Variants in RGS22 observed in about 807,000 individuals in gnomAD.
The protein encoded by RGS22 is regulator of G protein signaling 22.
A neutral mutation model predicts 172.9 loss-of-function variants in RGS22; 148 were observed. The ratio of observed to expected loss-of-function variants is 0.86; its 90% confidence interval spans 0.75 to 0.98. The LOEUF is 0.98. Ranked by LOEUF, RGS22 falls within the 50% of genes least tolerant of loss-of-function variation. The pLI, the probability that RGS22 is intolerant of heterozygous loss-of-function variation, is 0.00. For synonymous variants in RGS22, 458 were observed against 480.2 expected, an observed-to-expected ratio of 0.95 and a Z score of 0.60; for missense variants, 1,347 against 1,440.8, an observed-to-expected ratio of 0.93 and a Z score of 1.05.
rs1236968418 is a variant in RGS22, at chr8:100,093,523, A to C, written c.55-14T>G. ...CAGAGAATCTTCCTGCAAAAAAAAA[A>C]CATAAAAACACAGTATTATAATTAT... is the stretch of plus-strand genomic sequence containing the variant. On this transcript the variant is annotated splice_polypyrimidine_tract_variant and intron_variant, in intron 2 of 27. Transcript: ENST00000360863. The C allele has an allele frequency of 3.6e-5, 55 of 1,519,222 alleles. 1 individual carries two copies. Among genetic ancestry groups the C allele is most frequent in the East Asian group, 1.6e-4 (7 of 44,256 alleles). The allele number at this position is 1,519,222 out of a possible 1,614,324, so 94.1% of individuals were successfully genotyped here.
At chr8:100,078,479 G>C (rs1056393300) in intron 4 of RGS22, among the ~76,000 whole-genome samples, 1 of 151,110 alleles carries the variant, frequency 6.6e-6, no homozygotes, top group African/African-American at 2.4e-5. Flanking sequence ...GATATGGTTT[G>C]TTTAAAATCA....
At chr8:100,081,360 A>ATG (rs200557326) in intron 3 of RGS22, among the ~76,000 whole-genome samples, 1,965 of 106,560 alleles carry the variant, frequency 0.018, 54 homozygotes, top group East Asian at 0.13. Flanking sequence ...GTGTGCGTGT[A>ATG]TGTATATATA....
intron 14 of RGS22, among the ~76,000 whole-genome samples, chr8:100,027,797 T>A (rs951830354): frequency 3.3e-5 from 5 of 152,128 alleles, no homozygotes; most frequent in African/African-American, 1.2e-4. Context: ...GTAGTATATT[T>A]TAATTTAAGT....
chr8:100,052,086 TATTTATATATTTATATA>T (rs1293660231), intron 10 of RGS22, among the ~76,000 whole-genome samples: 38 of 87,556 alleles, frequency 4.3e-4, no homozygotes, highest in Admixed American at 1.1e-3. Flanking sequence ...TGTTTATATA[TATTTATATATTTATATA>T]TAAATGTTTA....
Position 100,063,800 on chromosome 8 carries a change from A to G in RGS22, c.968T>C (p.Ile323Thr). The G allele has an allele frequency of 6.2e-7, 1 of 1,614,040 alleles. No homozygotes were observed. Among genetic ancestry groups the G allele is most frequent in the Non-Finnish European group, 8.5e-7 (1 of 1,179,992 alleles). The change falls in exon 8 of 28, where the codon ATT (isoleucine) becomes ACT (threonine). Residue 323 changes from isoleucine to threonine, a missense_variant. Ile to Thr is a moderately conservative substitution (Grantham distance 89). Coordinates refer to ENST00000360863, the MANE Select transcript of RGS22 (RefSeq NM_015668.5). The part of the protein sequence containing the change: ...EEFLSSYIYF[I>T]LRGAIQQIVG... ...AATTTGCTGAATTGCTCCTCTCAAA[A>G]TAAAGTATATATAGGAGCTTAAAAA...
At chr8:99,962,818 A>C in intron 25 of RGS22, 51 bp from the exon 26 acceptor site, 1 of 1,584,070 alleles carries the variant, frequency 6.3e-7, no homozygotes, top group Non-Finnish European at 8.6e-7. Context: ...ATATTGGCAA[A>C]GTCTTCTAAA....
chr8:100,031,282 T>C (rs1818766861), intron 14 of RGS22, among the ~76,000 whole-genome samples: 1 of 152,152 alleles, frequency 6.6e-6, no homozygotes. Context: ...TGATTTTTTT[T>C]TGCCTTCTAC....
intron 23 of RGS22, among the ~76,000 whole-genome samples, chr8:99,974,513 T>A (rs1588882742): frequency 6.6e-6 from 1 of 152,210 alleles, no homozygotes; most frequent in East Asian, 1.9e-4. Context: ...AACAAATGGA[T>A]ATAAGGCCGG....
rs942798652 is a variant in RGS22 at position 100,100,955 on chromosome 8, C to G, written c.54+4419G>C. Among the ~76,000 whole-genome samples, 5 of 152,026 alleles carry G rather than the reference C, an allele frequency of 3.3e-5. No individual in the cohort carries two copies. In the South Asian group the frequency reaches 1.0e-3, roughly 32 times the overall value. ...TAATAAAACTGTGGGTTTTCTAAAT[C>G]AGAAAACCTTCAACAAAATAGATCA... On this transcript the variant is annotated intron_variant, in intron 2 of 27. Transcript: ENST00000360863.
intron 21 of RGS22, 78 bp from the exon 22 acceptor site, chr8:99,982,194 T>A: frequency 8.9e-7 from 1 of 1,126,016 alleles, no homozygotes; most frequent in Non-Finnish European, 1.2e-6. Flanking sequence ...CAATATGTGT[T>A]TCAATTAATA....
intron 14 of RGS22, among the ~76,000 whole-genome samples, chr8:100,033,200 A>C (rs1400546347): frequency 6.6e-6 from 1 of 152,114 alleles, no homozygotes; most frequent in Non-Finnish European, 1.5e-5. Flanking sequence ...AGACACAAAA[A>C]ACCCTTCAAA....
chr8:100,088,400 A>G (rs950620830), intron 3 of RGS22, among the ~76,000 whole-genome samples: 2 of 152,062 alleles, frequency 1.3e-5, no homozygotes, highest in Admixed American at 1.3e-4. Context: ...ACTCAATCCC[A>G]CAACAGTCAC....
chr8:100,007,849 C>CA (rs59284752), intron 15 of RGS22, among the ~76,000 whole-genome samples: 1,686 of 139,708 alleles, frequency 0.012, 25 homozygotes, highest in East Asian at 0.1. Context: ...GACTCTGACT[C>CA]AAAAAAAAAA....
chr8:100,032,994 A>C (rs1160257016), intron 14 of RGS22, among the ~76,000 whole-genome samples: 1 of 152,246 alleles, frequency 6.6e-6, no homozygotes, highest in Admixed American at 6.5e-5. Flanking sequence ...AATGTACCAG[A>C]ATCTCTGGGA....
chr8:100,008,377 T>G lies in RGS22; in HGVS notation c.2359A>C (p.Lys787Gln). 6.2e-7 allele frequency: 1 copy of G among 1,608,052 alleles called. No individual in the cohort carries two copies. The highest frequency in any genetic ancestry group is 8.5e-7 in the Non-Finnish European group (1 of 1,178,684). ...TCAATTTATCGGTGGCACGGTACCT[T>G]TTTATAAGCAATTTGGTCCGATTTT... ...MVKSDQIAYK[K>Q]VELVEETRQL... Residue 787 changes from lysine to glutamine, a missense_variant and splice_region_variant, in exon 15 of 28, where the codon AAG (lysine) becomes CAG (glutamine). Physicochemically the swap from Lys to Gln is moderately conservative, Grantham distance 53 (BLOSUM62 1). Transcript: ENST00000360863.
intron 4 of RGS22, among the ~76,000 whole-genome samples, chr8:100,076,076 T>C (rs996961318): frequency 2.6e-5 from 4 of 152,204 alleles, no homozygotes; most frequent in African/African-American, 9.6e-5. Context: ...GGGTTATTTG[T>C]CTTTTTATTT....
At chr8:100,033,954 G>A (rs950362326) in intron 14 of RGS22, among the ~76,000 whole-genome samples, 17 of 152,132 alleles carry the variant, frequency 1.1e-4, no homozygotes, top group Admixed American at 3.9e-4. Flanking sequence ...AGGTATTGAT[G>A]GAATGTATCT....
chr8:100,024,432 C>T (rs912528391), intron 14 of RGS22, among the ~76,000 whole-genome samples: 1 of 152,100 alleles, frequency 6.6e-6, no homozygotes, highest in Non-Finnish European at 1.5e-5. Context: ...TAATACGTTG[C>T]TACAAATATA....
At chr8:100,042,707 T>C (rs1370859850) in intron 11 of RGS22, 1 of 152,266 alleles carries the variant, frequency 6.6e-6, no homozygotes, top group Non-Finnish European at 1.5e-5. Context: ...CACCAGCAGA[T>C]TACCTTGCAG....
Sources: allele counts gnomAD v4.1 joint callset (sites outside exome capture counted in the v4.1 genomes callset), GRCh38; gene constraint gnomAD v4.1.1; transcripts MANE v1.5; gene names NCBI Gene and HGNC (gene_info 2026-07-23, HGNC 2026-07-21).